SI: variants seen among roughly 807,000 people sequenced by gnomAD.
The protein encoded by SI is sucrase-isomaltase, intestinal.
Under a neutral mutation model 253.3 loss-of-function variants are expected in SI, and 235 were observed. That is an observed-to-expected ratio of 0.93 (90% CI 0.83 to 1.03). The LOEUF (loss-of-function observed/expected upper bound fraction) is 1.03, where lower values mean the gene tolerates loss of function less well. SI is among the 50% of genes least tolerant of loss of function. The probability of loss-of-function intolerance (pLI) is 0.00; values close to 1 mark genes in which losing one functional copy is unlikely to be tolerated. For missense variants in SI, 2,442 were observed against 2,211.1 expected (o/e 1.10, Z -2.09); for synonymous variants, 819 against 712.0 (o/e 1.15, Z -2.39).
At position 165,030,877 on chromosome 3, in the gene SI, C is replaced by CAAAAAAAAAAAAA. The variant is rs11452619; in HGVS notation, c.2737-23_2737-11dup. Reference sequence around the variant, plus strand: ...CTGCAATTAGGAGAACCTTTGAAGACAAAAAAAAAAAAAGAAAAAAAGAAA... The same window carrying CAAAAAAAAAAAAA: ...CTGCAATTAGGAGAACCTTTGAAGACAAAAAAAAAAAAAAAAAAAAAAAAAAGAAAAAAAGAAA... On this transcript the variant is annotated splice_polypyrimidine_tract_variant and intron_variant, in intron 24 of 47. Transcript: ENST00000264382. The CAAAAAAAAAAAAA allele has an allele frequency of 4.1e-6, 5 of 1,219,766 alleles. No individual in the cohort carries two copies. The highest frequency in any genetic ancestry group is 3.8e-5 in the South Asian group (2 of 52,174). 75.6% of individuals were successfully genotyped at this position (1,219,766 alleles called of 1,614,324 possible).
chr3:164,999,811 TA>T (rs1302384593), intron 37 of SI, among the ~76,000 whole-genome samples: 1 of 151,628 alleles, frequency 6.6e-6, no homozygotes, highest in African/African-American at 2.4e-5. Flanking sequence ...AAAAATGTGT[TA>T]AACAGACATA....
intron 27 of SI, among the ~76,000 whole-genome samples, chr3:165,020,160 C>T (rs992890766): frequency 5.3e-5 from 8 of 151,528 alleles, no homozygotes; most frequent in African/African-American, 1.7e-4. Context: ...TTTTTTTCTA[C>T]ATATGGAATA....
chr3:165,067,534 A>G (rs1714309289), intron 5 of SI, 43 bp from the exon 6 acceptor site: 1 of 1,484,708 alleles, frequency 6.7e-7, no homozygotes, highest in East Asian at 2.3e-5. Context: ...ATTCTAAACT[A>G]TTATTTAATA....
At chr3:165,079,422 A>C (rs1398871595), upstream of SI, among the ~76,000 whole-genome samples, 2 of 151,726 alleles carry the variant, frequency 1.3e-5, no homozygotes, top group African/African-American at 4.8e-5. Flanking sequence ...AAAGTAGAGC[A>C]ATTAGTTTTT....
rs1190979624 is a variant in SI at position 165,046,978 on chromosome 3, A to C, written c.1750T>G (p.Phe584Val). The change falls in exon 16 of 48, where the codon TTC (phenylalanine) becomes GTC (valine). Residue 584 changes from phenylalanine to valine, a missense_variant. Transcript: ENST00000264382. Reference protein sequence around the residue: ...VQKVFPNKRSFILTRSTFAGS... With the variant: ...VQKVFPNKRSVILTRSTFAGS... ...GCAAATGTTGAGCGGGTAAGAATGA[A>C]GCTTCTCTTATTAGGAAAAACTTTT... 1.9e-5 allele frequency: 31 copies of C among 1,610,462 alleles called. No individual in the cohort carries two copies. Among genetic ancestry groups the C allele is most frequent in the Non-Finnish European group, 2.6e-5 (31 of 1,178,466 alleles).
chr3:165,015,256 A>C, intron 32 of SI, 23 bp from the exon 33 acceptor site: 1 of 1,532,350 alleles, frequency 6.5e-7, no homozygotes, highest in Non-Finnish European at 9.0e-7. Flanking sequence ...TGAAATATAA[A>C]CAAGGTACAC....
chr3:164,981,467 T>C (rs762633593), intron 47 of SI, among the ~76,000 whole-genome samples: 5 of 152,070 alleles, frequency 3.3e-5, no homozygotes, highest in Non-Finnish European at 5.9e-5. Flanking sequence ...TTTTAGAATT[T>C]AAGTTCATCT....
intron 28 of SI, among the ~76,000 whole-genome samples, chr3:165,018,995 A>C (rs1358898771): frequency 6.6e-6 from 1 of 151,834 alleles, no homozygotes; most frequent in Admixed American, 6.6e-5. Flanking sequence ...TACAAATAGA[A>C]TAATTTTCAT....
At chr3:165,061,580 G>A (rs1195307411) in intron 9 of SI, among the ~76,000 whole-genome samples, 4 of 151,736 alleles carry the variant, frequency 2.6e-5, no homozygotes, top group Admixed American at 2.0e-4. Context: ...TTGCAAATGG[G>A]AATTTTATGT....
At chr3:165,047,049 T>G in intron 15 of SI, 37 bp from the exon 16 acceptor site, 4 of 1,461,044 alleles carry the variant, frequency 2.7e-6, no homozygotes, top group Non-Finnish European at 3.8e-6. Context: ...ACAATTTATT[T>G]TAAAAAATAA....
chr3:165,055,397 A>C, intron 12 of SI, 90 bp from the exon 13 acceptor site: 1 of 747,818 alleles, frequency 1.3e-6, no homozygotes, highest in South Asian at 1.7e-5. Flanking sequence ...AATAGTAAAA[A>C]AAAATAAAGT....
chr3:165,052,734 T>A lies in SI; in HGVS notation c.1512+2460A>T, dbSNP rs548753924. ...CTTTAAAATTCCTTAAAAATTGTGA[T>A]AGTGATCTGATGGCATTTTATACTC... On this transcript the variant is annotated intron_variant, in intron 13 of 47. Coordinates refer to ENST00000264382, the MANE Select transcript of SI (RefSeq NM_001041.4). Among the ~76,000 whole-genome samples the A allele has an allele frequency of 2.6e-5, 4 of 152,248 alleles. No individual in the cohort carries two copies. The East Asian group carries it at 7.7e-4, about 29-fold the overall frequency.
upstream of SI, among the ~76,000 whole-genome samples, chr3:165,081,583 C>A (rs1715324903): frequency 6.6e-6 from 1 of 151,612 alleles, no homozygotes; most frequent in Non-Finnish European, 1.5e-5. Context: ...CACCAGGATG[C>A]AACAAAAAGA....
At position 164,983,006 on chromosome 3, in the gene SI, T is replaced by C. The variant is rs1717266764; in HGVS notation, c.5243A>G (p.Asn1748Ser). 1 of 1,550,796 alleles carries C rather than the reference T, an allele frequency of 6.4e-7. No individual in the cohort carries two copies. Among genetic ancestry groups the C allele is most frequent in the African/African-American group, 1.4e-5 (1 of 73,786 alleles). The change falls in exon 46 of 48, where the codon AAC (asparagine) becomes AGC (serine). Residue 1748 changes from asparagine to serine, a missense_variant. Asn to Ser is a conservative substitution (Grantham distance 46). Coordinates refer to ENST00000264382, the MANE Select transcript of SI (RefSeq NM_001041.4). Reference protein sequence around the residue: ...DLYLSVQFNLNQTTLTSTILK... With the variant: ...DLYLSVQFNLSQTTLTSTILK... ...CATATAAATAATCTTACATACCTGG[T>C]TTAAATTAAATTGTACAGATAAATA... is the stretch of plus-strand genomic sequence containing the variant.
the SI span, among the ~76,000 whole-genome samples, chr3:165,084,738 A>G: frequency 2.0e-5 from 3 of 152,024 alleles, no homozygotes; most frequent in Non-Finnish European, 4.4e-5. Flanking sequence ...TCACTTTTGG[A>G]ATGTGAAATA....
In SI at chr3:165,017,832, C is replaced by T. The variant is rs372654793; in HGVS notation, c.3562G>A (p.Val1188Ile). The change falls in exon 30 of 48, where the codon GTT becomes ATT. Residue 1188 changes from valine to isoleucine, a missense_variant. By Grantham distance (29) the Val-to-Ile change is conservative. Transcript: ENST00000264382. ...QPTPALTYRT[V>I]GGILDFYMFL... The stretch of plus-strand genomic sequence containing the variant: ...ATATAAAAATCCAAGATCCCTCCAA[C>T]TGTACGGTAAGTTAGAGCAGGAGTT... 34 of 1,613,130 alleles carry T rather than the reference C, an allele frequency of 2.1e-5. No individual in the cohort carries two copies. The highest frequency in any genetic ancestry group is 4.5e-5 in the East Asian group (2 of 44,736).
chr3:165,065,765 T>A (rs148952564), intron 6 of SI, among the ~76,000 whole-genome samples: 43 of 151,656 alleles, frequency 2.8e-4, no homozygotes, highest in Admixed American at 1.5e-3. Flanking sequence ...GATCACAAAC[T>A]GGTAGGCAGG....
intron 41 of SI, among the ~76,000 whole-genome samples, 196 bp downstream of exon 41, chr3:164,994,061 T>C (rs1717900023): frequency 6.6e-6 from 1 of 151,794 alleles, no homozygotes; most frequent in Non-Finnish European, 1.5e-5. Flanking sequence ...ATGTGGTTCA[T>C]TCTTTAATGG....
intron 44 of SI, among the ~76,000 whole-genome samples, chr3:164,988,534 C>T (rs1432409527): frequency 2.6e-5 from 4 of 152,168 alleles, no homozygotes; most frequent in Admixed American, 6.6e-5. Context: ...GAAGCCCTCA[C>T]TTTTCAGGTG....
Sources: gnomAD v4.1 joint callset for allele counts (sites outside exome capture counted in the v4.1 genomes callset) on GRCh38, gnomAD v4.1.1 for gene constraint, MANE v1.5 for transcripts, NCBI Gene and HGNC (gene_info 2026-07-23, HGNC 2026-07-21) for gene names.